The following CFAP61 variants were observed in gnomAD, a reference collection of about 807,000 sequenced individuals.
CFAP61 encodes cilia and flagella associated protein 61.
Under a neutral mutation model 135.6 loss-of-function variants are expected in CFAP61, and 107 were observed. The ratio of observed to expected loss-of-function variants is 0.79; its 90% CI spans 0.67 to 0.93. The LOEUF (loss-of-function observed/expected upper bound fraction) is 0.93, where lower values mean the gene tolerates loss of function less well. Among genes scored for constraint, CFAP61 ranks in the 40% least tolerant of loss-of-function variants. The pLI is 0.00. For missense variants in CFAP61, 1,507 were observed against 1,556.2 expected, an observed-to-expected ratio of 0.97 and a Z score of 0.53; for synonymous variants, 575 against 578.5, an observed-to-expected ratio of 0.99 and a Z score of 0.09.
intron 25 of CFAP61, among the ~76,000 whole-genome samples, chr20:20,328,661 A>G (rs2057855117): frequency 6.6e-6 from 1 of 152,248 alleles, no homozygotes; most frequent in African/African-American, 2.4e-5. Flanking sequence ...TATCCAAAAT[A>G]TATAATGAAG....
At chr20:20,116,411 C>G (rs1044834800) in intron 8 of CFAP61, among the ~76,000 whole-genome samples, 1 of 152,150 alleles carries the variant, frequency 6.6e-6, no homozygotes, top group East Asian at 1.9e-4. Flanking sequence ...TCTCCTTTGC[C>G]GCGCAGAAAC....
intron 8 of CFAP61, among the ~76,000 whole-genome samples, chr20:20,127,315 G>A (rs2050143061): frequency 6.7e-6 from 1 of 148,892 alleles, no homozygotes; most frequent in Non-Finnish European, 1.5e-5. Context: ...TATTACCAGA[G>A]TTGGTTTTCT....
At chr20:20,357,451 AGT>A (rs774286002) in intron 26 of CFAP61, among the ~76,000 whole-genome samples, 1 of 32,136 alleles carries the variant, frequency 3.1e-5, no homozygotes, top group Non-Finnish European at 5.5e-5. Context: ...AGGTGGTCAC[AGT>A]GTGCGGGGAG....
intron 18 of CFAP61, among the ~76,000 whole-genome samples, chr20:20,233,873 C>CG (rs2049360498): frequency 6.6e-6 from 1 of 152,080 alleles, no homozygotes; most frequent in Admixed American, 6.6e-5. Context: ...GCCTTTTCGA[C>CG]GGGGGAAGAT....
intron 20 of CFAP61, among the ~76,000 whole-genome samples, chr20:20,261,899 A>C (rs773545571): frequency 1.3e-5 from 2 of 152,140 alleles, no homozygotes; most frequent in Non-Finnish European, 2.9e-5. Flanking sequence ...CTTTCCTTAC[A>C]GTAGAGGAAA....
intron 13 of CFAP61, among the ~76,000 whole-genome samples, chr20:20,186,288 A>G (rs773147390): frequency 3.9e-5 from 6 of 152,234 alleles, no homozygotes; most frequent in Non-Finnish European, 8.8e-5. Flanking sequence ...GGCCTTTTGT[A>G]TATGGTTTCT....
In CFAP61 at chr20:20,288,755, C is replaced by G. The variant is rs1313456812; in HGVS notation, c.2943C>G (p.Thr981=). The G allele has an allele frequency of 6.2e-7, 1 of 1,614,178 alleles. No homozygotes were observed. The highest frequency in any genetic ancestry group is 2.2e-5 in the East Asian group (1 of 44,890). ...DIAIRAAGSL[T]KFSNRYYSNE... ...CCATCAGAGCTGCTGGCTCCCTCAC[C>G]AAATTCTCCAATAGATACTACTCAA... Residue 981 remains threonine, a synonymous_variant, in exon 23 of 27, where the codon ACC becomes ACG. Transcript: ENST00000245957.
chr20:20,201,305 C>T (rs2056609327), intron 17 of CFAP61, among the ~76,000 whole-genome samples: 1 of 152,182 alleles, frequency 6.6e-6, no homozygotes, highest in Non-Finnish European at 1.5e-5. Flanking sequence ...GATTGAGTGG[C>T]ACTGGAATGC....
At chr20:20,240,585 T>C (rs1023217787) in intron 18 of CFAP61, among the ~76,000 whole-genome samples, 1 of 151,976 alleles carries the variant, frequency 6.6e-6, no homozygotes, top group Non-Finnish European at 1.5e-5. Context: ...TTTTTTTTTT[T>C]TGCCTGGATC....
rs190171182 is a variant in CFAP61 at position 20,068,815 on chromosome 20, G to C, written c.144-2039G>C. Among the ~76,000 whole-genome samples, 852 of 152,278 alleles carry C rather than the reference G, an allele frequency of 5.6e-3. 8 individuals carry two copies. Among genetic ancestry groups the C allele is most frequent in the African/African-American group, 0.02 (817 of 41,564 alleles). Reference sequence around the variant, plus strand: ...GCTGCAGTGCAGTGGTGCCATCTTGGCTCGCTGCAACCTCTGCCTCCCAGG... The same window carrying C: ...GCTGCAGTGCAGTGGTGCCATCTTGCCTCGCTGCAACCTCTGCCTCCCAGG... On this transcript the variant is annotated intron_variant, in intron 2 of 26. Transcript: ENST00000245957.
chr20:20,293,745 G>A (rs149135640), intron 24 of CFAP61, among the ~76,000 whole-genome samples: 17 of 152,260 alleles, frequency 1.1e-4, no homozygotes, highest in Non-Finnish European at 1.3e-4. Context: ...ACCCCAAGTC[G>A]TCTACATAAT....
chr20:20,288,681 T>C lies in CFAP61; in HGVS notation c.2869T>C (p.Tyr957His). Reference sequence around the variant, plus strand: ...AGCCCTCAATGATGCATGTCTTGTGTATGACAGTCGACTTGTGATTGATAC... The same window carrying C: ...AGCCCTCAATGATGCATGTCTTGTGCATGACAGTCGACTTGTGATTGATAC... ...FKALNDACLV[Y>H]DSRLVIDTNF... Residue 957 changes from tyrosine (Y) to histidine (H), a missense_variant, in exon 23 of 27, where the codon TAT becomes CAT. Tyr to His is a moderately conservative substitution (Grantham distance 83). Transcript: ENST00000245957. 1 of 1,614,138 alleles carries C rather than the reference T, an allele frequency of 6.2e-7. No individual in the cohort carries two copies.
intron 25 of CFAP61, among the ~76,000 whole-genome samples, chr20:20,317,763 G>A (rs572994060): frequency 1.4e-4 from 22 of 152,254 alleles, no homozygotes; most frequent in Admixed American, 9.8e-4. Flanking sequence ...GCGCAGTCAC[G>A]CTGGGATCCC....
chr20:20,323,189 C>A, intron 25 of CFAP61: 3 of 985,378 alleles, frequency 3.0e-6, no homozygotes, highest in Middle Eastern at 5.2e-4. Flanking sequence ...TTAAAGAGGG[C>A]CCCATGGAAT....
At chr20:20,223,224 TAA>T (rs956835031) in intron 17 of CFAP61, among the ~76,000 whole-genome samples, 2 of 152,188 alleles carry the variant, frequency 1.3e-5, no homozygotes, top group African/African-American at 4.8e-5. Flanking sequence ...CAGACATTTT[TAA>T]AAGACTGGTT....
At chr20:20,255,531 TA>T (rs953869784) in intron 20 of CFAP61, among the ~76,000 whole-genome samples, 87 of 152,230 alleles carry the variant, frequency 5.7e-4, no homozygotes, top group African/African-American at 2.0e-3. Flanking sequence ...CCAAAGGGGT[TA>T]ATCATGTCTT....
intron 18 of CFAP61, among the ~76,000 whole-genome samples, chr20:20,244,710 T>G (rs1461825327): frequency 6.6e-6 from 1 of 152,230 alleles, no homozygotes; most frequent in Non-Finnish European, 1.5e-5. Context: ...TTATGCACAT[T>G]TCTGCAGCTG....
At chr20:20,171,824 A>C (rs1235303066) in intron 13 of CFAP61, 2 of 704,768 alleles carry the variant, frequency 2.8e-6, no homozygotes, top group Non-Finnish European at 5.3e-6. Context: ...CCAGAGTGTC[A>C]AAGGGCTCTG....
intron 8 of CFAP61, 54 bp downstream of exon 8, chr20:20,098,868 C>T: frequency 1.3e-6 from 2 of 1,491,076 alleles, no homozygotes; most frequent in Non-Finnish European, 1.8e-6. Context: ...GCTTTATACA[C>T]ATTGCGCTCT....
Sources: gnomAD v4.1 joint callset for allele counts (sites outside exome capture counted in the v4.1 genomes callset) on GRCh38, gnomAD v4.1.1 for gene constraint, MANE v1.5 for transcripts, NCBI Gene and HGNC (gene_info 2026-07-23, HGNC 2026-07-21) for gene names.